The following TTLL11 variants were observed in gnomAD, a reference collection of about 807,000 sequenced individuals.
TTLL11 encodes tubulin polyglutamylase TTLL11.
TTLL11 carries 42 observed loss-of-function variants against 51.7 expected under a neutral mutation model. The observed-to-expected ratio is 0.81, with a 90% CI of 0.64 to 1.05. The LOEUF (loss-of-function observed/expected upper bound fraction) is 1.05, where lower values mean the gene tolerates loss of function less well. Ranked by LOEUF, TTLL11 falls within the 50% of genes least tolerant of loss-of-function variation. TTLL11 has a pLI of 0.00. For synonymous variants in TTLL11, 381 were observed against 383.5 expected, an observed-to-expected ratio of 0.99 and a Z score of 0.08; for missense variants, 799 against 940.4, an observed-to-expected ratio of 0.85 and a Z score of 1.97.
rs1317845527 is a variant in TTLL11, at chr9:121,817,805, G to A, written c.*4782C>T. The A allele has an allele frequency of 6.6e-6, 1 of 152,234 alleles. No homozygotes were observed. Among genetic ancestry groups the A allele is most frequent in the African/African-American group, 2.4e-5 (1 of 41,446 alleles). 9.4% of individuals were successfully genotyped at this position (152,234 alleles called of 1,614,324 possible). Reference sequence around the variant, plus strand: ...CTGCACTTCACCAGCACGAGACCTCGAGACCTTGGTCAGTCACTAAGCCTC... The same window carrying A: ...CTGCACTTCACCAGCACGAGACCTCAAGACCTTGGTCAGTCACTAAGCCTC... On this transcript the variant is annotated 3_prime_UTR_variant, in exon 9 of 9. Coordinates refer to ENST00000321582, the MANE Select transcript of TTLL11 (RefSeq NM_001139442.2).
At chr9:121,979,416 T>A (rs1366720809) in intron 4 of TTLL11, among the ~76,000 whole-genome samples, 1 of 152,244 alleles carries the variant, frequency 6.6e-6, no homozygotes. Context: ...TTTTAAGCTG[T>A]TAAGGTTTGG....
At chr9:122,004,887 C>T (rs1211174814) in intron 3 of TTLL11, among the ~76,000 whole-genome samples, 1 of 152,184 alleles carries the variant, frequency 6.6e-6, no homozygotes, top group African/African-American at 2.4e-5. Flanking sequence ...ACAAGAACCA[C>T]ATCAGCTTGG....
intron 6 of TTLL11, among the ~76,000 whole-genome samples, chr9:121,892,372 G>A (rs1020267239): frequency 6.6e-6 from 1 of 152,028 alleles, no homozygotes; most frequent in Non-Finnish European, 1.5e-5. Flanking sequence ...TTCCACATGG[G>A]GGGGTGCTCA....
At chr9:121,940,637 C>T (rs534435371) in intron 6 of TTLL11, among the ~76,000 whole-genome samples, 4 of 152,188 alleles carry the variant, frequency 2.6e-5, no homozygotes, top group South Asian at 4.2e-4. Context: ...CATGCCCAGC[C>T]GACTTTCTCT....
At chr9:121,947,308 C>G (rs1841704304) in intron 6 of TTLL11, among the ~76,000 whole-genome samples, 1 of 152,032 alleles carries the variant, frequency 6.6e-6, no homozygotes, top group African/African-American at 2.4e-5. Context: ...AACCAGTTTG[C>G]CAGCACACCT....
rs568822560 is a variant in TTLL11, at chr9:122,038,116, G to T, written c.559+1156C>A. Among the ~76,000 whole-genome samples the T allele has an allele frequency of 5.9e-5, 9 of 152,266 alleles. No individual in the cohort carries two copies. In the East Asian group the frequency reaches 1.3e-3, roughly 23 times the overall value. On this transcript the variant is annotated intron_variant, in intron 2 of 8. Transcript: ENST00000321582. ...GGATGAGTAAACTTGCTTAAGGTTTGGGAGGAAATATAGAAATATTCATAT... is the reference window on the plus strand; with the variant it reads ...GGATGAGTAAACTTGCTTAAGGTTTTGGAGGAAATATAGAAATATTCATAT...
chr9:121,844,986 G>C (rs1837475748), intron 8 of TTLL11, among the ~76,000 whole-genome samples: 1 of 152,108 alleles, frequency 6.6e-6, no homozygotes, highest in Non-Finnish European at 1.5e-5. Context: ...CAAAATTACA[G>C]ACAGACACCA....
intron 8 of TTLL11, among the ~76,000 whole-genome samples, chr9:121,832,871 C>A (rs950083949): frequency 6.6e-6 from 1 of 152,176 alleles, no homozygotes; most frequent in Non-Finnish European, 1.5e-5. Flanking sequence ...ACCCAGGAGG[C>A]GGATGTTTCA....
chr9:121,820,957 G>A lies in TTLL11; in HGVS notation c.*1630C>T, dbSNP rs1351504558. ...TAGCAGCAGGGAAGGGGTGCTGCGC[G>A]GCAGCCACACCGTGGGGGAAACAGG... On this transcript the variant is annotated 3_prime_UTR_variant, in exon 9 of 9. Coordinates refer to ENST00000321582, the MANE Select transcript of TTLL11 (RefSeq NM_001139442.2). Among the ~76,000 whole-genome samples, 16 of 151,872 alleles carry A rather than the reference G, an allele frequency of 1.1e-4. 1 individual carries two copies. The highest frequency in any genetic ancestry group is 1.9e-4 in the African/African-American group (8 of 41,346).
At chr9:122,075,900 T>A (rs1011682746) in intron 1 of TTLL11, among the ~76,000 whole-genome samples, 1 of 152,184 alleles carries the variant, frequency 6.6e-6, no homozygotes, top group African/African-American at 2.4e-5. Context: ...AATCCCTTCA[T>A]GTCATTTCCC....
At position 121,989,610 on chromosome 9, in the gene TTLL11, A is replaced by G. The variant is rs748087876; in HGVS notation, c.854T>C (p.Ile285Thr). Residue 285 changes from isoleucine (I) to threonine (T), a missense_variant, in exon 4 of 9, where the codon ATC (isoleucine) becomes ACC (threonine). This residue lies in a region of TTLL11 where 468 missense variants were observed against 612.8 expected (regional missense o/e 0.76). Coordinates refer to ENST00000321582, the MANE Select transcript of TTLL11 (RefSeq NM_001139442.2). The surrounding 1 kb of genome is among the most constrained non-coding windows in gnomAD (Gnocchi z 4.2). ...CTTGTCGATAAGGAGAGGTTTGCAG[A>G]TGTACTCCTGGACCACCGCTGGCCT... ...QSRPAVVQEY[I>T]CKPLLIDKLK... 1 of 1,614,066 alleles carries G rather than the reference A, an allele frequency of 6.2e-7. No homozygotes were observed. Among genetic ancestry groups the G allele is most frequent in the Non-Finnish European group, 8.5e-7 (1 of 1,180,006 alleles).
chr9:122,092,648 C>A, intron 1 of TTLL11, 39 bp downstream of exon 1: 2 of 1,535,334 alleles, frequency 1.3e-6, no homozygotes, highest in South Asian at 2.4e-5. Flanking sequence ...TCCTGTCCAC[C>A]CCACTGTGCC....
chr9:121,982,717 CAAA>C (rs71371907), intron 4 of TTLL11, among the ~76,000 whole-genome samples: 143 of 97,402 alleles, frequency 1.5e-3, no homozygotes, highest in African/African-American at 5.6e-3. Context: ...AACTCCAACT[CAAA>C]AAAAAAAAAA....
chr9:121,934,283 G>T (rs1588136760), intron 6 of TTLL11, among the ~76,000 whole-genome samples: 1 of 135,078 alleles, frequency 7.4e-6, no homozygotes, highest in African/African-American at 2.8e-5. Flanking sequence ...CGTCCATCTT[G>T]CGCTTTGGAT....
chr9:122,036,105 G>A (rs12338667), intron 2 of TTLL11, among the ~76,000 whole-genome samples: 60 of 152,162 alleles, frequency 3.9e-4, no homozygotes, highest in African/African-American at 1.0e-3. Flanking sequence ...TAGGTTGCCC[G>A]CCCTTGCTCC....
intron 5 of TTLL11, among the ~76,000 whole-genome samples, 188 bp downstream of exon 5, chr9:121,974,696 C>G (rs929719362): frequency 3.9e-5 from 6 of 152,292 alleles, no homozygotes; most frequent in Middle Eastern, 3.4e-3. Flanking sequence ...GAAGTGACCA[C>G]AGGTCAGATA....
intron 8 of TTLL11, among the ~76,000 whole-genome samples, chr9:121,843,212 T>C (rs1837413002): frequency 6.6e-6 from 1 of 151,928 alleles, no homozygotes; most frequent in Admixed American, 6.6e-5. Flanking sequence ...CTCCCATCTT[T>C]ACAACAATAA....
intron 3 of TTLL11, among the ~76,000 whole-genome samples, chr9:122,028,260 TATTAAG>T (rs1336575078): frequency 2.0e-5 from 3 of 152,220 alleles, no homozygotes; most frequent in Admixed American, 6.5e-5. Context: ...TAGTATTACA[TATTAAG>T]ATTAACTGGA....
At chr9:122,026,845 C>A (rs1844358568) in intron 3 of TTLL11, among the ~76,000 whole-genome samples, 1 of 149,952 alleles carries the variant, frequency 6.7e-6, no homozygotes, top group Admixed American at 6.7e-5. Flanking sequence ...GGTGTTCTTG[C>A]CAAAAATGTC....
Sources: gnomAD v4.1 joint callset for allele counts (sites outside exome capture counted in the v4.1 genomes callset) on GRCh38, gnomAD v4.1.1 for gene constraint, gnomAD v4.1.1 regional missense constraint, Gnocchi (gnomAD v3.1) non-coding constraint, MANE v1.5 for transcripts, NCBI Gene and HGNC (gene_info 2026-07-23, HGNC 2026-07-21) for gene names.